CACNB2: variants seen among roughly 807,000 people sequenced by gnomAD.
CACNB2 encodes the protein voltage-dependent L-type calcium channel subunit beta-2.
Under a neutral mutation model 73.3 loss-of-function variants are expected in CACNB2, and 42 were observed. That is an observed-to-expected ratio of 0.57 (90% CI 0.45 to 0.74). The LOEUF is 0.74. Ranked by LOEUF, CACNB2 falls within the 30% of genes least tolerant of loss-of-function variation. The pLI is 0.00. For synonymous variants in CACNB2, 348 were observed against 310.3 expected (o/e 1.12, Z -1.28); for missense variants, 940 against 853.0 (o/e 1.10, Z -1.27).
intron 3 of CACNB2, among the ~76,000 whole-genome samples, chr10:18,421,352 C>CA (rs2045314146): frequency 1.3e-5 from 2 of 150,292 alleles, no homozygotes; most frequent in African/African-American, 4.9e-5. Context: ...GGCTGGAGTA[C>CA]AATGGTGCAA....
chr10:18,229,005 G>A (rs935792950), intron 2 of CACNB2, among the ~76,000 whole-genome samples: 2 of 152,210 alleles, frequency 1.3e-5, no homozygotes, highest in Non-Finnish European at 2.9e-5. Flanking sequence ...GCCTCACAAA[G>A]TGGTGGGATT....
intron 2 of CACNB2, among the ~76,000 whole-genome samples, chr10:18,318,324 G>A (rs1464996034): frequency 1.3e-5 from 2 of 152,084 alleles, no homozygotes; most frequent in South Asian, 2.1e-4. Context: ...AACGCTGCAT[G>A]TCTACAACCA....
intron 2 of CACNB2, among the ~76,000 whole-genome samples, chr10:18,281,538 C>T (rs767255950): frequency 6.6e-6 from 1 of 152,176 alleles, no homozygotes; most frequent in Non-Finnish European, 1.5e-5. Context: ...AAGAAACACA[C>T]ACAGATTGGG....
chr10:18,398,378 T>G (rs2043818095), intron 2 of CACNB2, among the ~76,000 whole-genome samples: 1 of 152,004 alleles, frequency 6.6e-6, no homozygotes, highest in Non-Finnish European at 1.5e-5. Context: ...CGAAAAATAT[T>G]TTGAGGCTGG....
In CACNB2 at chr10:18,438,183, AT is replaced by A. The variant is rs372226267; in HGVS notation, c.333+36159del. ...CAGCCGCCCGCCAGCACACCTGGCGATTTTTTTTTTTTTTTTTTTGTATTTT... is the reference window on the plus strand; with the variant it reads ...CAGCCGCCCGCCAGCACACCTGGCGATTTTTTTTTTTTTTTTTTGTATTTT... On this transcript the variant is annotated intron_variant, in intron 3 of 13. Transcript: ENST00000324631. 9.2e-3 allele frequency among the ~76,000 whole-genome samples: 862 copies of A among 93,944 alleles called. 14 individuals are homozygous for A. The highest frequency in any genetic ancestry group is 0.026 in the African/African-American group (600 of 23,490). 61.6% of individuals were successfully genotyped at this position (93,944 alleles called of 152,430 possible). A position where few individuals can be genotyped will look rare whatever the true frequency, so the allele number is the denominator to read the frequency against.
At chr10:18,256,634 G>C (rs560551364) in intron 2 of CACNB2, 1 of 152,176 alleles carries the variant, frequency 6.6e-6, no homozygotes. Context: ...GAAACACTTT[G>C]AGGTGCTTTT....
In CACNB2 at chr10:18,539,304, T is replaced by C. The variant is rs147142811; in HGVS notation, c.1563T>C (p.Ser521=). The change falls in exon 14 of 14, where the codon AGT becomes AGC. Residue 521 remains serine, a synonymous_variant. Coordinates refer to ENST00000324631, the MANE Select transcript of CACNB2 (RefSeq NM_201596.3). ...RSASQAEEEP[S]VEPVKKSQHR... ...CTTCCCAAGCTGAAGAAGAACCTAGTGTGGAACCAGTCAAGAAATCCCAGC... is the reference window on the plus strand; with the variant it reads ...CTTCCCAAGCTGAAGAAGAACCTAGCGTGGAACCAGTCAAGAAATCCCAGC... 3 of 1,613,832 alleles carry C rather than the reference T, an allele frequency of 1.9e-6. No individual in the cohort carries two copies. Among genetic ancestry groups the C allele is most frequent in the Admixed American group, 1.7e-5 (1 of 59,984 alleles).
chr10:18,344,372 CT>C (rs201109681), intron 2 of CACNB2, among the ~76,000 whole-genome samples: 15,376 of 141,216 alleles, frequency 0.11, 809 homozygotes, highest in Non-Finnish European at 0.12. Flanking sequence ...ATTGACAAAA[CT>C]TTTTTTTTTT....
intron 2 of CACNB2, among the ~76,000 whole-genome samples, chr10:18,390,748 T>C (rs1193364331): frequency 6.6e-6 from 1 of 152,204 alleles, no homozygotes; most frequent in Non-Finnish European, 1.5e-5. Context: ...GGGTAGTGCA[T>C]AAGAAGTAAA....
intron 3 of CACNB2, among the ~76,000 whole-genome samples, chr10:18,488,260 G>C (rs1422015886): frequency 5.3e-5 from 8 of 151,268 alleles, no homozygotes; most frequent in Admixed American, 5.3e-4. Context: ...CGGATCACGA[G>C]GTCAGGAGAT....
At chr10:18,310,155 G>T (rs1198769688) in intron 2 of CACNB2, among the ~76,000 whole-genome samples, 1 of 151,826 alleles carries the variant, frequency 6.6e-6, no homozygotes, top group Admixed American at 6.6e-5. Flanking sequence ...TTTCAGCAAT[G>T]TTTTAAAACT....
At chr10:18,393,187 T>TGACACAGTGA (rs11281154) in intron 2 of CACNB2, among the ~76,000 whole-genome samples, 16 of 150,342 alleles carry the variant, frequency 1.1e-4, no homozygotes, top group Non-Finnish European at 2.4e-4. Flanking sequence ...CCAGCCTGGA[T>TGACACAGTGA]GACTCCATGT....
intron 2 of CACNB2, among the ~76,000 whole-genome samples, chr10:18,327,405 C>T (rs1028469824): frequency 5.3e-5 from 8 of 151,912 alleles, no homozygotes; most frequent in East Asian, 1.9e-4. Flanking sequence ...CTAAGTTGCC[C>T]GGTCATTTTT....
At chr10:18,276,124 T>A (rs1032038607) in intron 2 of CACNB2, among the ~76,000 whole-genome samples, 1 of 152,174 alleles carries the variant, frequency 6.6e-6, no homozygotes, top group African/African-American at 2.4e-5. Flanking sequence ...ACAATTTCAG[T>A]TTCACATGAT....
At chr10:18,233,445 C>CT (rs112731851) in intron 2 of CACNB2, among the ~76,000 whole-genome samples, 7,097 of 151,868 alleles carry the variant, frequency 0.047, 591 homozygotes, top group African/African-American at 0.16. Flanking sequence ...GTGGAAACAT[C>CT]TTTTTTTCTC....
chr10:18,212,158 T>C (rs1010027371), intron 2 of CACNB2, among the ~76,000 whole-genome samples: 1 of 152,170 alleles, frequency 6.6e-6, no homozygotes. Flanking sequence ...AATGGCTTAG[T>C]TGTACGGTGT....
At position 18,539,502 on chromosome 10, in the gene CACNB2, C is replaced by T. The variant is rs766003529; in HGVS notation, c.1761C>T (p.Asp587=). The stretch of plus-strand genomic sequence containing the variant: ...TGGACCACTATGCCTCACACCGTGA[C>T]CACAACCACAGAGACGAGACCCACG... ...DHVDHYASHR[D]HNHRDETHGS... The change falls in exon 14 of 14, where the codon GAC becomes GAT. Residue 587 remains aspartate (D), a synonymous_variant. Transcript: ENST00000324631. The T allele has an allele frequency of 1.2e-6, 2 of 1,614,012 alleles. No homozygotes were observed. The highest frequency in any genetic ancestry group is 1.7e-6 in the Non-Finnish European group (2 of 1,180,012).
chr10:18,337,469 A>G (rs1325209163), intron 2 of CACNB2, among the ~76,000 whole-genome samples: 1 of 152,220 alleles, frequency 6.6e-6, no homozygotes, highest in Non-Finnish European at 1.5e-5. Flanking sequence ...TCTCATAAGC[A>G]TTTTAATGGC....
intron 3 of CACNB2, among the ~76,000 whole-genome samples, chr10:18,492,626 AAAAAAAAAAAAAG>A (rs1322103788): frequency 7.1e-6 from 1 of 140,956 alleles, no homozygotes; most frequent in Non-Finnish European, 1.5e-5. Flanking sequence ...GTCTCAAAAA[AAAAAAAAAAAAAG>A]AAAAAAAGAA....
Sources: gnomAD v4.1 joint callset for allele counts (sites outside exome capture counted in the v4.1 genomes callset) on GRCh38, gnomAD v4.1.1 for gene constraint, MANE v1.5 for transcripts, NCBI Gene and HGNC (gene_info 2026-07-23, HGNC 2026-07-21) for gene names.